The following TTC13 variants were observed in gnomAD, a reference collection of about 807,000 sequenced individuals.
TTC13 encodes tetratricopeptide repeat protein 13.
TTC13 carries 62 observed loss-of-function variants against 120.0 expected under a neutral mutation model. The ratio of observed to expected loss-of-function variants is 0.52; its 90% CI spans 0.42 to 0.64. TTC13 has a LOEUF of 0.64. Ranked by LOEUF, TTC13 falls within the 30% of genes least tolerant of loss-of-function variation. The pLI, the probability that TTC13 is intolerant of heterozygous loss-of-function variation, is 0.00. For missense variants in TTC13, 824 were observed against 1,050.2 expected (o/e 0.78, Z 2.98); for synonymous variants, 384 against 393.5 (o/e 0.98, Z 0.28).
chr1:230,923,793 GAGAATAAACTCCT>G (rs778691627), intron 15 of TTC13, 35 bp downstream of exon 15: 15 of 1,523,620 alleles, frequency 9.8e-6, no homozygotes, highest in Non-Finnish European at 1.4e-5. Flanking sequence ...CCTGTGTCTT[GAGAATAAACTCCT>G]AGGAAAAGAA....
At chr1:230,912,324 G>A (rs533407009) in intron 19 of TTC13, among the ~76,000 whole-genome samples, 1 of 152,204 alleles carries the variant, frequency 6.6e-6, no homozygotes, top group African/African-American at 2.4e-5. Context: ...GGAAGAAAAT[G>A]GAAGAAAAAG....
rs749773061 is a variant in TTC13, at chr1:230,933,765, A to T, written c.983+14T>A. 1 of 1,519,444 alleles carries T rather than the reference A, an allele frequency of 6.6e-7. No individual in the cohort carries two copies. Among genetic ancestry groups the T allele is most frequent in the South Asian group, 1.2e-5 (1 of 83,794 alleles). The allele number at this position is 1,519,444 out of a possible 1,614,324, so 94.1% of individuals were successfully genotyped here. Reference sequence around the variant, plus strand: ...CAGCCTCCCTCCTACCCCAACTGTTATTATTTTACTCACCTATATGCCTGC... The same window carrying T: ...CAGCCTCCCTCCTACCCCAACTGTTTTTATTTTACTCACCTATATGCCTGC... On this transcript the variant is annotated intron_variant, in intron 9 of 22. Coordinates refer to ENST00000366661, the MANE Select transcript of TTC13 (RefSeq NM_024525.5).
At chr1:230,970,096 C>T (rs759954442) in intron 1 of TTC13, among the ~76,000 whole-genome samples, 1 of 152,174 alleles carries the variant, frequency 6.6e-6, no homozygotes, top group Non-Finnish European at 1.5e-5. Flanking sequence ...ATAGCACAGC[C>T]GGGTCTTGCC....
intron 1 of TTC13, among the ~76,000 whole-genome samples, chr1:230,968,477 T>C (rs1258608724): frequency 5.3e-5 from 8 of 152,136 alleles, no homozygotes; most frequent in African/African-American, 1.9e-4. Flanking sequence ...ATTTATTCCC[T>C]TTCTTCTTAG....
rs529696093 is a variant in TTC13, at chr1:230,975,765, A to G, written c.271+2795T>C. ...AAACATGCAAAGCTCAAGCTGAGAC[A>G]TATGGCACCAGAGGGACATCCATGC... is the stretch of plus-strand genomic sequence containing the variant. On this transcript the variant is annotated intron_variant, in intron 1 of 22. Transcript: ENST00000366661. Among the ~76,000 whole-genome samples, 13 of 152,334 alleles carry G rather than the reference A, an allele frequency of 8.5e-5. 1 individual carries two copies. Among genetic ancestry groups the G allele is most frequent in the African/African-American group, 3.1e-4 (13 of 41,584 alleles).
At chr1:230,911,617 G>T in intron 19 of TTC13, 68 bp from the exon 20 acceptor site, 2 of 928,010 alleles carry the variant, frequency 2.2e-6, no homozygotes, top group Non-Finnish European at 3.2e-6. Context: ...TTAGGTGACA[G>T]AACACACAAG....
chr1:230,948,211 C>T lies in TTC13; in HGVS notation c.514-2757G>A, dbSNP rs116147423. 5.8e-3 allele frequency among the ~76,000 whole-genome samples: 881 copies of T among 152,220 alleles called. 10 individuals carry two copies. Among genetic ancestry groups the T allele is most frequent in the African/African-American group, 0.019 (805 of 41,504 alleles). On this transcript the variant is annotated intron_variant, in intron 4 of 22. Coordinates refer to ENST00000366661, the MANE Select transcript of TTC13 (RefSeq NM_024525.5). ...ACATTTTACATTACAATCCAGTACA[C>T]ACATACACATGTGCACAATATATAC...
intron 8 of TTC13, among the ~76,000 whole-genome samples, chr1:230,936,939 T>C (rs151058360): frequency 6.6e-6 from 1 of 152,338 alleles, no homozygotes; most frequent in Non-Finnish European, 1.5e-5. Flanking sequence ...GCCGTTGGGA[T>C]GAAGGAGTCA....
chr1:230,946,947 G>A (rs1399202955), intron 4 of TTC13, among the ~76,000 whole-genome samples: 1 of 152,084 alleles, frequency 6.6e-6, no homozygotes, highest in Non-Finnish European at 1.5e-5. Context: ...ATACGTGATT[G>A]TGTGAGCCAT....
intron 12 of TTC13, 142 bp downstream of exon 12, chr1:230,928,795 G>A: frequency 1.3e-6 from 1 of 747,298 alleles, no homozygotes; most frequent in Non-Finnish European, 2.2e-6. Flanking sequence ...CAGGCACAAG[G>A]ATAGTATGCT....
At chr1:230,914,230 A>C (rs1335236874) in intron 18 of TTC13, among the ~76,000 whole-genome samples, 1 of 152,120 alleles carries the variant, frequency 6.6e-6, no homozygotes, top group Non-Finnish European at 1.5e-5. Flanking sequence ...GCATGGATCC[A>C]CTTATACGAG....
At chr1:230,927,648 T>C (rs531831174) in intron 12 of TTC13, among the ~76,000 whole-genome samples, 5 of 152,318 alleles carry the variant, frequency 3.3e-5, no homozygotes, top group African/African-American at 1.2e-4. Flanking sequence ...TGGGCTTATT[T>C]TTCTTTCCTT....
chr1:230,974,856 C>T (rs1678117493), intron 1 of TTC13, among the ~76,000 whole-genome samples: 1 of 152,144 alleles, frequency 6.6e-6, no homozygotes, highest in African/African-American at 2.4e-5. Context: ...AGTGAAGCAT[C>T]CTTGAATTTG....
At chr1:230,935,579 G>A (rs578191751) in intron 8 of TTC13, among the ~76,000 whole-genome samples, 1 of 152,280 alleles carries the variant, frequency 6.6e-6, no homozygotes, top group East Asian at 1.9e-4. Flanking sequence ...AGGGTGCATG[G>A]GTGGGTGCAG....
intron 1 of TTC13, among the ~76,000 whole-genome samples, chr1:230,972,048 C>T (rs990074687): frequency 6.6e-6 from 1 of 152,226 alleles, no homozygotes; most frequent in Non-Finnish European, 1.5e-5. Flanking sequence ...ACATTGCAAA[C>T]ACCAGCAGGG....
At chr1:230,969,924 C>T (rs1390994970) in intron 1 of TTC13, among the ~76,000 whole-genome samples, 1 of 152,204 alleles carries the variant, frequency 6.6e-6, no homozygotes, top group Admixed American at 6.5e-5. Context: ...TTAAGCTTAT[C>T]TTGGCCTTCA....
At chr1:230,952,663 T>C (rs1478250909) in intron 4 of TTC13, among the ~76,000 whole-genome samples, 5 of 152,208 alleles carry the variant, frequency 3.3e-5, no homozygotes, top group Non-Finnish European at 7.3e-5. Flanking sequence ...AGAAATGTCT[T>C]ACAACTATAA....
chr1:230,975,625 G>T (rs139186897), intron 1 of TTC13, among the ~76,000 whole-genome samples: 20 of 152,202 alleles, frequency 1.3e-4, no homozygotes, highest in Non-Finnish European at 2.2e-4. Context: ...AGTAAACAAA[G>T]AGAGAAGACA....
Position 230,909,030 on chromosome 1 carries a change from T to C in TTC13, c.2310-10A>G. ...CGAGTAAGCAATTACACTATTTAAATAAAGAACAAAGGTCAATCCATCCTG... is the reference window on the plus strand; with the variant it reads ...CGAGTAAGCAATTACACTATTTAAACAAAGAACAAAGGTCAATCCATCCTG... On this transcript the variant is annotated splice_polypyrimidine_tract_variant and intron_variant, in intron 20 of 22. Transcript: ENST00000366661. 6.2e-6 allele frequency: 10 copies of C among 1,613,216 alleles called. No individual in the cohort carries two copies. Among genetic ancestry groups the C allele is most frequent in the Non-Finnish European group, 8.5e-6 (10 of 1,179,260 alleles).
Sources: allele counts gnomAD v4.1 joint callset (sites outside exome capture counted in the v4.1 genomes callset), GRCh38; gene constraint gnomAD v4.1.1; transcripts MANE v1.5; gene names NCBI Gene and HGNC (gene_info 2026-07-23, HGNC 2026-07-21).